Variants in SUN3 observed in about 807,000 individuals in gnomAD.
The protein encoded by SUN3 is SUN domain-containing protein 3.
Under a neutral mutation model 48.2 loss-of-function variants are expected in SUN3, and 36 were observed. That is an observed-to-expected ratio of 0.75 (90% CI 0.57 to 0.99). SUN3 has a LOEUF of 0.99. SUN3 is among the 50% of genes least tolerant of loss of function. The pLI is 0.00. For synonymous variants in SUN3, 148 were observed against 147.9 expected (o/e 1.00, Z 0.00); for missense variants, 419 against 433.1 (o/e 0.97, Z 0.29).
intron 8 of SUN3, among the ~76,000 whole-genome samples, chr7:47,993,748 A>G (rs1487181843): frequency 6.6e-6 from 1 of 152,178 alleles, no homozygotes; most frequent in Non-Finnish European, 1.5e-5. Flanking sequence ...ATGGTGATGG[A>G]TACACAACTC....
At chr7:48,028,730 A>T in intron 1 of SUN3, 87 bp downstream of exon 1, 2 of 1,520,922 alleles carry the variant, frequency 1.3e-6, no homozygotes, top group Non-Finnish European at 1.8e-6. Context: ...CTGTCGGGTA[A>T]CAGGTAACAG....
At chr7:48,019,975 A>C (rs1371601605) in intron 2 of SUN3, among the ~76,000 whole-genome samples, 1 of 124,292 alleles carries the variant, frequency 8.0e-6, no homozygotes, top group Non-Finnish European at 1.6e-5. Context: ...ACAAAGACAC[A>C]TCAAAAAAAA....
intron 7 of SUN3, among the ~76,000 whole-genome samples, chr7:47,994,923 T>C (rs1011388635): frequency 2.0e-5 from 3 of 151,390 alleles, no homozygotes; most frequent in Non-Finnish European, 4.4e-5. Context: ...AAGGTGGTGG[T>C]AGAGGTAATG....
At chr7:48,011,186 G>A (rs1789673330) in intron 3 of SUN3, among the ~76,000 whole-genome samples, 1 of 152,122 alleles carries the variant, frequency 6.6e-6, no homozygotes, top group Admixed American at 6.5e-5. Flanking sequence ...ATATCTTTTT[G>A]GGAATCACCT....
upstream of SUN3, among the ~76,000 whole-genome samples, chr7:48,033,046 A>G (rs147371065): frequency 1.8e-3 from 279 of 152,364 alleles, 1 homozygote; most frequent in African/African-American, 6.4e-3. Flanking sequence ...ATTAGGCATA[A>G]AGTGAAAATA....
chr7:48,028,956 C>G lies in SUN3; in HGVS notation c.-18G>C, dbSNP rs372582767. 6 of 1,613,504 alleles carry G rather than the reference C, an allele frequency of 3.7e-6. No individual in the cohort carries two copies. The highest frequency in any genetic ancestry group is 5.1e-6 in the Non-Finnish European group (6 of 1,179,718). ...CCACTCATGATCCCCTACCAAAGAA[C>G]AAACAGCTGGTAGGATGAAGAGCAA... On this transcript the variant is annotated 5_prime_UTR_variant, in exon 1 of 10. Coordinates refer to ENST00000297325, the MANE Select transcript of SUN3 (RefSeq NM_001030019.2).
chr7:48,007,354 AG>A, intron 4 of SUN3, 27 bp from the exon 5 acceptor site: 2 of 1,605,858 alleles, frequency 1.2e-6, no homozygotes, highest in Non-Finnish European at 1.7e-6. Context: ...TCAGCATGAG[AG>A]GAAGAAAGTG....
At chr7:48,000,507 G>C (rs957589887) in intron 6 of SUN3, among the ~76,000 whole-genome samples, 2 of 152,152 alleles carry the variant, frequency 1.3e-5, no homozygotes, top group Non-Finnish European at 2.9e-5. Flanking sequence ...TTTCTTTTTG[G>C]TGTCATTTCT....
chr7:48,031,426 G>A (rs1343826444), upstream of SUN3, among the ~76,000 whole-genome samples: 1 of 152,220 alleles, frequency 6.6e-6, no homozygotes, highest in African/African-American at 2.4e-5. Context: ...AGCTACTCGG[G>A]ATGCTGAGGC....
intron 9 of SUN3, 45 bp from the exon 10 acceptor site, chr7:47,987,494 T>C: frequency 2.0e-6 from 3 of 1,466,402 alleles, no homozygotes; most frequent in East Asian, 2.4e-5. Flanking sequence ...ACGAAATTCA[T>C]CTCAAAGAAT....
At chr7:48,006,147 A>G in intron 5 of SUN3, 94 bp from the exon 6 acceptor site, 1 of 840,828 alleles carries the variant, frequency 1.2e-6, no homozygotes, top group Non-Finnish European at 1.9e-6. Flanking sequence ...CTAATTTGCA[A>G]AATTAGAATA....
chr7:48,029,651 G>GT (rs1192695171), upstream of SUN3, among the ~76,000 whole-genome samples: 4 of 152,196 alleles, frequency 2.6e-5, no homozygotes, highest in Middle Eastern at 3.4e-3. Flanking sequence ...GTTGTTTTCA[G>GT]TTTTTTTGGC....
intron 6 of SUN3, among the ~76,000 whole-genome samples, chr7:47,999,641 G>A (rs1304376579): frequency 6.6e-6 from 1 of 152,190 alleles, no homozygotes; most frequent in Non-Finnish European, 1.5e-5. Flanking sequence ...AGGTTCAAGC[G>A]ATTCTCCTGC....
intron 6 of SUN3, among the ~76,000 whole-genome samples, chr7:48,000,697 C>T (rs957396047): frequency 1.3e-5 from 2 of 151,976 alleles, no homozygotes; most frequent in African/African-American, 4.8e-5. Flanking sequence ...CTCTTCTGGT[C>T]TCTTTAACTT....
intron 3 of SUN3, among the ~76,000 whole-genome samples, chr7:48,015,642 C>A (rs1369618017): frequency 6.6e-6 from 1 of 152,186 alleles, no homozygotes; most frequent in African/African-American, 2.4e-5. Context: ...GTTAAAAGAT[C>A]AGCATACTGG....
intron 3 of SUN3, among the ~76,000 whole-genome samples, chr7:48,009,758 A>T (rs1789632244): frequency 6.6e-6 from 1 of 152,164 alleles, no homozygotes; most frequent in Non-Finnish European, 1.5e-5. Context: ...ACTTTCTGCT[A>T]TGGAGGTGGT....
chr7:48,032,335 G>A (rs1322827622), upstream of SUN3, among the ~76,000 whole-genome samples: 1 of 152,196 alleles, frequency 6.6e-6, no homozygotes, highest in East Asian at 1.9e-4. Flanking sequence ...CTTGATTGTA[G>A]TAATTATTTC....
chr7:48,006,051 T>A lies in SUN3; in HGVS notation c.495A>T (p.Glu165Asp), dbSNP rs779389368. ...GTACATAATTGACCAAGTTTGACAC[T>A]TCCTGTAGAAATTTTATAAACAGTT... ...DPVEDPDHTE[E>D]VSNLVNYVLK... Residue 165 changes from glutamate (E) to aspartate (D), a missense_variant and splice_region_variant, in exon 6 of 10, where the codon GAA (glutamate) becomes GAT (aspartate). Glu to Asp is a conservative substitution (Grantham distance 45). Coordinates refer to ENST00000297325, the MANE Select transcript of SUN3 (RefSeq NM_001030019.2). The A allele has an allele frequency of 6.3e-7, 1 of 1,590,614 alleles. No individual in the cohort carries two copies. Among genetic ancestry groups the A allele is most frequent in the Non-Finnish European group, 8.6e-7 (1 of 1,164,792 alleles).
At chr7:48,025,455 G>A (rs990530834) in intron 2 of SUN3, among the ~76,000 whole-genome samples, 5 of 152,126 alleles carry the variant, frequency 3.3e-5, no homozygotes, top group African/African-American at 9.7e-5. Flanking sequence ...TTCCCGATAC[G>A]AAACTACAAA....
Sources: allele counts gnomAD v4.1 joint callset (sites outside exome capture counted in the v4.1 genomes callset), GRCh38; gene constraint gnomAD v4.1.1; transcripts MANE v1.5; gene names NCBI Gene and HGNC (gene_info 2026-07-23, HGNC 2026-07-21).